MAP7D3: variants seen among roughly 807,000 people sequenced by gnomAD.
The protein encoded by MAP7D3 is MAP7 domain-containing protein 3.
A neutral mutation model predicts 62.2 loss-of-function variants in MAP7D3; 45 were observed. The ratio of observed to expected loss-of-function variants is 0.72; its 90% CI spans 0.57 to 0.93. The LOEUF (loss-of-function observed/expected upper bound fraction) is 0.93, where lower values mean the gene tolerates loss of function less well. Ranked by LOEUF, MAP7D3 falls within the 40% of genes least tolerant of loss-of-function variation. MAP7D3 has a pLI of 0.00. For missense variants in MAP7D3, 711 were observed against 683.1 expected, an observed-to-expected ratio of 1.04 and a Z score of -0.45; for synonymous variants, 288 against 248.8, an observed-to-expected ratio of 1.16 and a Z score of -1.48.
Position 136,231,532 on chromosome X carries a change from C to T in MAP7D3, c.1413+12G>A. ...TAATAGAAAATTTGTCAATAACAGG[C>T]ACTTGACAAACCTTTGGAGCGTCTC... On this transcript the variant is annotated intron_variant, in intron 8 of 18. Coordinates refer to ENST00000316077, the MANE Select transcript of MAP7D3 (RefSeq NM_024597.4). The T allele has an allele frequency of 1.7e-6, 2 of 1,172,697 alleles. No individual in the cohort carries two copies. The highest frequency in any genetic ancestry group is 2.3e-6 in the Non-Finnish European group (2 of 875,203).
At chrX:136,215,624 CCACCA>C (rs1160108756), downstream of MAP7D3, among the ~76,000 whole-genome samples, 1 of 111,957 alleles carries the variant, frequency 8.9e-6, no homozygotes, top group African/African-American at 3.3e-5. Context: ...CATCCTAAAA[CCACCA>C]CACCATCCCC....
intron 7 of MAP7D3, among the ~76,000 whole-genome samples, chrX:136,233,532 C>T (rs529086272): frequency 4.7e-5 from 5 of 107,017 alleles, no homozygotes; most frequent in African/African-American, 1.7e-4. Context: ...CCTCAGCCTC[C>T]CAAAGTGCTG....
At chrX:136,243,154 G>C (rs927815681) in intron 4 of MAP7D3, among the ~76,000 whole-genome samples, 3 of 110,754 alleles carry the variant, frequency 2.7e-5, no homozygotes, top group African/African-American at 9.9e-5. Context: ...AAAGACAAGA[G>C]GAAGCTTCAT....
In MAP7D3 at chrX:136,220,808, G is replaced by C. The variant is rs371145444; in HGVS notation, c.2443C>G (p.Gln815Glu). The C allele has an allele frequency of 8.3e-7, 1 of 1,210,569 alleles. No homozygotes were observed. Among genetic ancestry groups the C allele is most frequent in the Non-Finnish European group, 1.1e-6 (1 of 894,828 alleles). The change falls in exon 16 of 19, where the codon CAA (glutamine) becomes GAA (glutamate). Residue 815 changes from glutamine to glutamate, a missense_variant. Gln to Glu is a conservative substitution (Grantham distance 29, BLOSUM62 2). Coordinates refer to ENST00000316077, the MANE Select transcript of MAP7D3 (RefSeq NM_024597.4). ...ATTGAAGTGTCTTTCATGCTTTTTT[G>C]TCTGAAGTTTTTCAAATCGCCATTA... ...YFNGDLKNFR[Q>E]KSMKDTSIQE...
rs774188122 is a variant in MAP7D3 at position 136,251,399 on chromosome X, T to C, written c.-41A>G. 1.0e-5 allele frequency: 10 copies of C among 983,454 alleles called. No individual in the cohort carries two copies. In the African/African-American group the frequency reaches 1.9e-4, roughly 19 times the overall value. 81.0% of individuals were successfully genotyped at this position (983,454 alleles called of 1,213,427 possible). A position where few individuals can be genotyped will look rare whatever the true frequency, so the allele number is the denominator to read the frequency against. On this transcript the variant is annotated 5_prime_UTR_variant, in exon 1 of 19. The change abolishes an upstream ATG in the 5' untranslated region. Coordinates refer to ENST00000316077, the MANE Select transcript of MAP7D3 (RefSeq NM_024597.4). ...AGGCGGTGGTGGCTCTCCGCATACA[T>C]TGCGCAGGCGTCGGCGCGGCCTCCG...
Position 136,248,519 on chromosome X carries a change from G to A in MAP7D3, c.71-2178C>T, listed in dbSNP as rs1477445115. On this transcript the variant is annotated intron_variant, in intron 1 of 18. Coordinates refer to ENST00000316077, the MANE Select transcript of MAP7D3 (RefSeq NM_024597.4). The stretch of plus-strand genomic sequence containing the variant: ...AATGAGGGAATTTACTTAATATTCA[G>A]TTAAAAGTAACAGCAAGGTATTTCT... Among the ~76,000 whole-genome samples the A allele has an allele frequency of 4.5e-5, 5 of 112,230 alleles. No homozygotes were observed. In the East Asian group the frequency reaches 1.1e-3, roughly 25 times the overall value.
Position 136,231,973 on chromosome X carries a change from G to A in MAP7D3, c.984C>T (p.Gly328=), listed in dbSNP as rs1569531887. 8.3e-7 allele frequency: 1 copy of A among 1,210,543 alleles called. No homozygotes were observed. Among genetic ancestry groups the A allele is most frequent in the Non-Finnish European group, 1.1e-6 (1 of 895,017 alleles). The change falls in exon 8 of 19, where the codon GGC becomes GGT. Residue 328 remains glycine (G), a synonymous_variant. Transcript: ENST00000316077. ...AGTCCGTGCTCACCTCAGGGGCCAT[G>A]CCCACACCTGCCTTGGGGGACGCTT... ...SMEASPKAGV[G]MAPEVSTDSF...
chrX:136,223,102 A>G (rs749661641), intron 14 of MAP7D3, among the ~76,000 whole-genome samples: 1 of 111,355 alleles, frequency 9.0e-6, no homozygotes, highest in Non-Finnish European at 1.9e-5. Context: ...TTGGCCTCCC[A>G]AAGTGCTGGG....
At chrX:136,243,316 A>G (rs2074410159) in intron 4 of MAP7D3, among the ~76,000 whole-genome samples, 2 of 112,375 alleles carry the variant, frequency 1.8e-5, no homozygotes, top group African/African-American at 6.5e-5. Context: ...AGCTAAGACA[A>G]AGACAGAATA....
At chrX:136,235,030 G>A (rs2074313838) in intron 7 of MAP7D3, among the ~76,000 whole-genome samples, 1 of 111,765 alleles carries the variant, frequency 8.9e-6, no homozygotes, top group South Asian at 3.7e-4. Flanking sequence ...AAGGAGAAAG[G>A]CCACAGCATA....
Position 136,232,036 on chromosome X carries a change from G to T in MAP7D3, c.921C>A (p.Pro307=). Residue 307 remains proline, a synonymous_variant, in exon 8 of 19, where the codon CCC becomes CCA. Coordinates refer to ENST00000316077, the MANE Select transcript of MAP7D3 (RefSeq NM_024597.4). ...TPPKASVDAP[P]QVNVEVFCNT... ...TGCAGAATACTTCCACATTCACCTG[G>T]GGGGGTGCATCCACACTTGCCTTGG... 8.3e-7 allele frequency: 1 copy of T among 1,210,905 alleles called. No homozygotes were observed. Among genetic ancestry groups the T allele is most frequent in the East Asian group, 3.0e-5 (1 of 33,832 alleles).
intron 15 of MAP7D3, 105 bp from the exon 16 acceptor site, chrX:136,221,068 G>T: frequency 5.2e-6 from 3 of 580,655 alleles, no homozygotes; most frequent in Non-Finnish European, 8.6e-6. Context: ...CTGCCTGCCT[G>T]AAGGCAGGAA....
Position 136,244,770 on chromosome X carries a change from T to C in MAP7D3, c.279A>G (p.Glu93=), listed in dbSNP as rs1047791623. ...ATTGGAGCTTGGTCTTTCTTTCTTT[T>C]TCAAGTAGTTGTGTTTCTTTATTGG... ...QDANKETQLL[E]KERKTKLQYE... The change falls in exon 4 of 19, where the codon GAA becomes GAG. Residue 93 remains glutamate, a synonymous_variant. Transcript: ENST00000316077. 1.5e-5 allele frequency: 18 copies of C among 1,197,512 alleles called. No homozygotes were observed. The highest frequency in any genetic ancestry group is 2.0e-5 in the Non-Finnish European group (18 of 887,474).
intron 1 of MAP7D3, among the ~76,000 whole-genome samples, 171 bp from the exon 2 acceptor site, chrX:136,246,512 TCAA>T (rs1422526631): frequency 8.9e-6 from 1 of 112,210 alleles, no homozygotes; most frequent in East Asian, 2.8e-4. Flanking sequence ...CCTATGATCT[TCAA>T]CAACACTTTA....
chrX:136,231,440 AAAT>A, intron 8 of MAP7D3, 101 bp downstream of exon 8: 1 of 647,937 alleles, frequency 1.5e-6, no homozygotes. Context: ...AGAATATTGT[AAAT>A]AATATGCTGG....
chrX:136,218,355 T>G lies in MAP7D3; in HGVS notation c.*171A>C, dbSNP rs1204675242. ...TACATCAAAGTGGCCTTTTGACAGT[T>G]TCTTTCAATTTTTCGGTGTCACTTC... On this transcript the variant is annotated 3_prime_UTR_variant, in exon 19 of 19. Transcript: ENST00000316077. The G allele has an allele frequency of 8.9e-6, 1 of 112,252 alleles. No homozygotes were observed. The highest frequency in any genetic ancestry group is 1.9e-5 in the Non-Finnish European group (1 of 53,206). 9.3% of individuals were successfully genotyped at this position (112,252 alleles called of 1,213,427 possible). A position where few individuals can be genotyped will look rare whatever the true frequency, so the allele number is the denominator to read the frequency against.
At chrX:136,231,103 G>C (rs764037816) in intron 8 of MAP7D3, 137 bp from the exon 9 acceptor site, 34 of 423,113 alleles carry the variant, frequency 8.0e-5, no homozygotes, top group Non-Finnish European at 1.1e-4. Flanking sequence ...TTTTCTTTTA[G>C]AGTATGAGAA....
intron 7 of MAP7D3, among the ~76,000 whole-genome samples, chrX:136,233,846 C>CT (rs2074300768): frequency 9.0e-6 from 1 of 110,755 alleles, no homozygotes; most frequent in Admixed American, 9.7e-5. Context: ...CTACATGTGC[C>CT]TAAACAGTCA....
upstream of MAP7D3, among the ~76,000 whole-genome samples, chrX:136,252,985 C>G (rs2074529954): frequency 1.8e-5 from 2 of 110,206 alleles, no homozygotes; most frequent in African/African-American, 6.6e-5. Flanking sequence ...GTAATCCCAG[C>G]TGCTCGGGAG....
Sources: allele counts gnomAD v4.1 joint callset (sites outside exome capture counted in the v4.1 genomes callset), GRCh38; gene constraint gnomAD v4.1.1; transcripts MANE v1.5; gene names NCBI Gene and HGNC (gene_info 2026-07-23, HGNC 2026-07-21).